The following EML6 variants were observed in gnomAD, a reference collection of about 807,000 sequenced individuals.
EML6 encodes EMAP like 6, also known as echinoderm microtubule-associated protein-like 6.
EML6 carries 154 observed loss-of-function variants against 240.1 expected under a neutral mutation model. The ratio of observed to expected loss-of-function variants is 0.64; its 90% CI spans 0.56 to 0.73. The LOEUF (loss-of-function observed/expected upper bound fraction) is 0.73, where lower values mean the gene tolerates loss of function less well. Ranked by LOEUF, EML6 falls within the 30% of genes least tolerant of loss-of-function variation. The pLI is 0.00. For synonymous variants in EML6, 1,148 were observed against 899.0 expected (o/e 1.28, Z -4.95); for missense variants, 2,964 against 2,474.6 (o/e 1.20, Z -4.20).
At chr2:54,825,957 C>G (rs1329285518) in intron 5 of EML6, among the ~76,000 whole-genome samples, 1 of 152,204 alleles carries the variant, frequency 6.6e-6, no homozygotes, top group African/African-American at 2.4e-5. Flanking sequence ...GCAGTTTCTT[C>G]CTCACTGCTG....
At chr2:54,763,623 T>A (rs1668065605) in intron 2 of EML6, among the ~76,000 whole-genome samples, 1 of 152,198 alleles carries the variant, frequency 6.6e-6, no homozygotes, top group South Asian at 2.1e-4. Context: ...GGTAGAGATA[T>A]TACTGTCTGT....
chr2:54,754,247 C>T (rs1057005627), intron 2 of EML6, among the ~76,000 whole-genome samples: 6 of 151,968 alleles, frequency 3.9e-5, no homozygotes, highest in Non-Finnish European at 8.8e-5. Flanking sequence ...GAGTTAGCTG[C>T]GATTACAGGT....
intron 2 of EML6, among the ~76,000 whole-genome samples, chr2:54,726,215 A>G (rs948113437): frequency 3.9e-5 from 6 of 152,220 alleles, no homozygotes; most frequent in African/African-American, 1.2e-4. Flanking sequence ...CTGAGGATGG[A>G]CTACAACTGA....
chr2:54,796,702 A>G (rs1428073743), intron 2 of EML6, among the ~76,000 whole-genome samples: 3 of 152,144 alleles, frequency 2.0e-5, no homozygotes, highest in Admixed American at 6.5e-5. Flanking sequence ...CTAGGCATCC[A>G]GAAAAGGTTA....
chr2:54,828,806 C>G (rs764223136), intron 6 of EML6, among the ~76,000 whole-genome samples: 2 of 152,194 alleles, frequency 1.3e-5, no homozygotes, highest in South Asian at 2.1e-4. Context: ...AAAACTATTT[C>G]CCATGTGAAA....
At chr2:54,819,846 A>C (rs937220586) in intron 4 of EML6, among the ~76,000 whole-genome samples, 3 of 151,994 alleles carry the variant, frequency 2.0e-5, no homozygotes, top group Non-Finnish European at 4.4e-5. Flanking sequence ...AAAATACAAT[A>C]GTATGTTGGG....
chr2:54,725,059 A>G lies in EML6; in HGVS notation c.-3A>G, dbSNP rs868037094. ...GGCGGGGGGCGCGCGGGGTCGGCTTATCATGGCGGATCGGACGGCGCCCCG... is the reference window on the plus strand; with the variant it reads ...GGCGGGGGGCGCGCGGGGTCGGCTTGTCATGGCGGATCGGACGGCGCCCCG... On this transcript the variant is annotated 5_prime_UTR_variant, in exon 2 of 42. Coordinates refer to ENST00000356458, the MANE Select transcript of EML6 (RefSeq NM_001039753.4). The surrounding 1 kb of genome is among the most constrained non-coding windows in gnomAD (Gnocchi z 4.3). The G allele has an allele frequency of 6.6e-7, 1 of 1,518,650 alleles. No individual in the cohort carries two copies. The highest frequency in any genetic ancestry group is 2.1e-5 in the Admixed American group (1 of 47,656). The allele number at this position is 1,518,650 out of a possible 1,614,324, so 94.1% of individuals were successfully genotyped here. A position where few individuals can be genotyped will look rare whatever the true frequency, so the allele number is the denominator to read the frequency against.
rs368943496 is a variant in EML6, at chr2:54,954,044, G to T, written c.4374G>T (p.Arg1458=). ...AMTKHTLSML[R]CFHSKGVNYI... Reference sequence around the variant, plus strand: ...CCAAACACACCCTCTCCATGCTGCGGTGCTTCCACTCCAAGGGGGTGAATT... The same window carrying T: ...CCAAACACACCCTCTCCATGCTGCGTTGCTTCCACTCCAAGGGGGTGAATT... Residue 1458 remains arginine, a synonymous_variant, in exon 32 of 42, where the codon CGG becomes CGT. Coordinates refer to ENST00000356458, the MANE Select transcript of EML6 (RefSeq NM_001039753.4). The T allele has an allele frequency of 1.3e-6, 2 of 1,551,814 alleles. No individual in the cohort carries two copies. The highest frequency in any genetic ancestry group is 8.7e-7 in the Non-Finnish European group (1 of 1,147,016).
intron 13 of EML6, among the ~76,000 whole-genome samples, chr2:54,865,519 T>A (rs1175002586): frequency 1.3e-5 from 2 of 152,188 alleles, no homozygotes; most frequent in Non-Finnish European, 2.9e-5. Context: ...GCCTACGACT[T>A]AAACAGTTTG....
At chr2:54,954,281 T>A in intron 32 of EML6, 125 bp downstream of exon 32, 1 of 836,300 alleles carries the variant, frequency 1.2e-6, no homozygotes, top group Non-Finnish European at 1.8e-6. Flanking sequence ...GCTGGGCAAG[T>A]GGAAAACAGG....
intron 2 of EML6, among the ~76,000 whole-genome samples, chr2:54,789,425 AAT>A (rs1247816762): frequency 2.1e-5 from 3 of 141,944 alleles, no homozygotes; most frequent in African/African-American, 7.6e-5. Flanking sequence ...GAGGCAGGAG[AAT>A]GGCGTGAACC....
chr2:54,921,375 C>T (rs902953337), intron 26 of EML6, among the ~76,000 whole-genome samples: 14 of 151,956 alleles, frequency 9.2e-5, no homozygotes, highest in African/African-American at 1.7e-4. Flanking sequence ...GCCAAGGAGG[C>T]GAAAGAACTG....
At chr2:54,866,521 A>C (rs1245150495) in intron 13 of EML6, among the ~76,000 whole-genome samples, 1 of 152,186 alleles carries the variant, frequency 6.6e-6, no homozygotes, top group Non-Finnish European at 1.5e-5. Context: ...AAATTTACTG[A>C]TATATTTTCT....
chr2:54,764,489 G>A (rs1397998421), intron 2 of EML6, among the ~76,000 whole-genome samples: 1 of 152,168 alleles, frequency 6.6e-6, no homozygotes, highest in Non-Finnish European at 1.5e-5. Flanking sequence ...GGAATTTGAG[G>A]TGCATTAACT....
chr2:54,859,865 G>A (rs1285206505), intron 12 of EML6, among the ~76,000 whole-genome samples, 164 bp downstream of exon 12: 2 of 152,064 alleles, frequency 1.3e-5, no homozygotes, highest in Non-Finnish European at 2.9e-5. Flanking sequence ...GATTAACATG[G>A]GTCAGTTGGA....
At chr2:54,969,676 C>T (rs1676906416) in intron 41 of EML6, among the ~76,000 whole-genome samples, 1 of 152,198 alleles carries the variant, frequency 6.6e-6, no homozygotes, top group South Asian at 2.1e-4. Context: ...GCAGGGCTTG[C>T]AGGCCTTTGT....
intron 28 of EML6, among the ~76,000 whole-genome samples, chr2:54,946,815 G>T (rs1675716089): frequency 6.6e-6 from 1 of 151,846 alleles, no homozygotes. Flanking sequence ...TCTTCCCCTT[G>T]CTCCTCTCAT....
chr2:54,868,197 A>G (rs979094734), intron 14 of EML6: 1 of 152,186 alleles, frequency 6.6e-6, no homozygotes, highest in African/African-American at 2.4e-5. Context: ...TATGGCAACA[A>G]ATTTTTAATT....
At chr2:54,931,743 T>A (rs1200444685) in intron 28 of EML6, among the ~76,000 whole-genome samples, 1 of 152,180 alleles carries the variant, frequency 6.6e-6, no homozygotes, top group Non-Finnish European at 1.5e-5. Context: ...CTGAAAGAGA[T>A]GTGAGCTTGG....
Sources: gnomAD v4.1 joint callset for allele counts (sites outside exome capture counted in the v4.1 genomes callset) on GRCh38, gnomAD v4.1.1 for gene constraint, Gnocchi (gnomAD v3.1) non-coding constraint, MANE v1.5 for transcripts, NCBI Gene and HGNC (gene_info 2026-07-23, HGNC 2026-07-21) for gene names.